Variants in ANK3 observed in about 807,000 individuals in gnomAD.
ANK3 encodes the protein ankyrin 3.
In ANK3, 57 loss-of-function variants were observed where a neutral mutation model predicts 370.9. That is an observed-to-expected ratio of 0.15 (90% CI 0.12 to 0.19). The LOEUF is 0.19. Among genes scored for constraint, ANK3 ranks in the 10% least tolerant of loss-of-function variants. The pLI, the probability that ANK3 is intolerant of heterozygous loss-of-function variation, is 1.00. For missense variants in ANK3, 4,439 were observed against 5,302.1 expected (o/e 0.84, Z 5.06); for synonymous variants, 1,929 against 1,946.3 (o/e 0.99, Z 0.23).
chr10:60,374,252 C>G (rs1181632407), intron 1 of ANK3, among the ~76,000 whole-genome samples: 3 of 152,034 alleles, frequency 2.0e-5, no homozygotes, highest in Non-Finnish European at 2.9e-5. Context: ...TGCCAACATT[C>G]CAAATCAATA....
intron 1 of ANK3, among the ~76,000 whole-genome samples, chr10:60,367,615 A>G (rs908823012): frequency 6.6e-6 from 1 of 152,170 alleles, no homozygotes; most frequent in African/African-American, 2.4e-5. Flanking sequence ...TCATCAGCAC[A>G]CTGCAAAAAT....
At chr10:60,566,086 T>C (rs2077453851) in intron 2 of ANK3, among the ~76,000 whole-genome samples, 1 of 152,214 alleles carries the variant, frequency 6.6e-6, no homozygotes, top group Admixed American at 6.5e-5. Context: ...TTATTATATC[T>C]ATTTGGTGAT....
intron 23 of ANK3, among the ~76,000 whole-genome samples, chr10:60,143,214 A>C (rs1043640806): frequency 6.6e-6 from 1 of 152,202 alleles, no homozygotes; most frequent in African/African-American, 2.4e-5. Context: ...GTGTTAGGAA[A>C]ATTTGTTGAT....
At position 60,497,951 on chromosome 10, in the gene ANK3, A is replaced by G. The variant is rs548282011; in HGVS notation, c.96+117235T>C. On this transcript the variant is annotated intron_variant, in intron 2 of 43. Transcript: ENST00000373827. ...TCAGCATCTCTTAGGAAAGGAAAGTATTTTTAGAGGTTTTATCTGCAGTTA... is the reference window on the plus strand; with the variant it reads ...TCAGCATCTCTTAGGAAAGGAAAGTGTTTTTAGAGGTTTTATCTGCAGTTA... Among the ~76,000 whole-genome samples the G allele has an allele frequency of 2.6e-5, 4 of 152,290 alleles. No homozygotes were observed. The South Asian group carries it at 8.3e-4, about 32-fold the overall frequency.
At chr10:60,674,452 C>T (rs2079099799) in intron 1 of ANK3, among the ~76,000 whole-genome samples, 1 of 152,076 alleles carries the variant, frequency 6.6e-6, no homozygotes, top group Admixed American at 6.5e-5. Flanking sequence ...AGGGAGATGC[C>T]ACACCCTTTT....
At chr10:60,272,576 T>C (rs1348019690) in intron 4 of ANK3, among the ~76,000 whole-genome samples, 1 of 151,960 alleles carries the variant, frequency 6.6e-6, no homozygotes. Flanking sequence ...ACCTAACAGG[T>C]CCAAGAGATT....
chr10:60,114,185 A>G, intron 26 of ANK3, 40 bp downstream of exon 26: 1 of 1,159,732 alleles, frequency 8.6e-7, no homozygotes, highest in South Asian at 1.3e-5. Flanking sequence ...TGCACTGTTC[A>G]TGTAGTAGGA....
chr10:60,151,253 T>A (rs1448693120), intron 23 of ANK3, among the ~76,000 whole-genome samples: 4 of 152,134 alleles, frequency 2.6e-5, no homozygotes, highest in Admixed American at 6.5e-5. Context: ...AAATCTCTTG[T>A]TGAAATGTGA....
intron 43 of ANK3, among the ~76,000 whole-genome samples, chr10:60,038,688 GGTGTGT>G (rs147947460): frequency 1.3e-5 from 2 of 151,580 alleles, no homozygotes; most frequent in African/African-American, 4.8e-5. Flanking sequence ...TCTGAATGAT[GGTGTGT>G]GTGTGTGTGT....
chr10:60,046,613 T>C (rs7909177), intron 42 of ANK3, among the ~76,000 whole-genome samples: 14,609 of 152,080 alleles, frequency 0.096, 2,311 homozygotes, highest in African/African-American at 0.33. Context: ...AACCTATTTA[T>C]AAATAATAAG....
At chr10:60,038,939 G>T (rs191852479) in intron 43 of ANK3, among the ~76,000 whole-genome samples, 76 of 152,276 alleles carry the variant, frequency 5.0e-4, no homozygotes, top group African/African-American at 1.7e-3. Flanking sequence ...CACTGATGAG[G>T]TCTTAGCTTA....
intron 20 of ANK3, 71 bp downstream of exon 20, chr10:60,172,829 C>T (rs10821692): frequency 0.018 from 16,800 of 943,984 alleles, 932 homozygotes; most frequent in African/African-American, 0.15. Context: ...CAATGAAAAA[C>T]GTAAGAAGAC....
At chr10:60,294,564 C>T (rs558558006) in intron 1 of ANK3, among the ~76,000 whole-genome samples, 3 of 152,248 alleles carry the variant, frequency 2.0e-5, no homozygotes, top group Non-Finnish European at 2.9e-5. Flanking sequence ...TACCAAAATG[C>T]TATTGTTCTT....
chr10:60,513,618 C>A (rs979547128), intron 2 of ANK3, among the ~76,000 whole-genome samples: 1 of 152,086 alleles, frequency 6.6e-6, no homozygotes, highest in African/African-American at 2.4e-5. Flanking sequence ...CTTATGGCTT[C>A]AATTTGACAA....
intron 1 of ANK3, among the ~76,000 whole-genome samples, chr10:60,630,592 G>T (rs1350390305): frequency 6.6e-6 from 1 of 152,192 alleles, no homozygotes; most frequent in Non-Finnish European, 1.5e-5. Flanking sequence ...TCAGGTTGCA[G>T]GTCAGTGATC....
chr10:60,461,239 G>A (rs2064876152), intron 2 of ANK3, among the ~76,000 whole-genome samples: 1 of 152,130 alleles, frequency 6.6e-6, no homozygotes, highest in Admixed American at 6.6e-5. Flanking sequence ...GATCTGAAGA[G>A]AAAAACTCTT....
intron 28 of ANK3, among the ~76,000 whole-genome samples, chr10:60,093,907 G>A (rs2089406383): frequency 6.6e-6 from 1 of 152,160 alleles, no homozygotes; most frequent in Non-Finnish European, 1.5e-5. Context: ...GGGACCCTCT[G>A]TGTTGTGTTC....
At chr10:60,622,820 G>A (rs1052053210) in intron 1 of ANK3, among the ~76,000 whole-genome samples, 1 of 152,078 alleles carries the variant, frequency 6.6e-6, no homozygotes, top group African/African-American at 2.4e-5. Flanking sequence ...TTTCACATGG[G>A]ACCAACGGAA....
intron 1 of ANK3, among the ~76,000 whole-genome samples, chr10:60,389,213 C>A (rs2062850474): frequency 6.6e-6 from 1 of 152,134 alleles, no homozygotes; most frequent in Non-Finnish European, 1.5e-5. Context: ...CATAGCCCTG[C>A]AATCACCCCA....
Sources: gnomAD v4.1 joint callset for allele counts (sites outside exome capture counted in the v4.1 genomes callset) on GRCh38, gnomAD v4.1.1 for gene constraint, MANE v1.5 for transcripts, NCBI Gene and HGNC (gene_info 2026-07-23, HGNC 2026-07-21) for gene names.